Variants in DENND1B observed in about 807,000 individuals in gnomAD.
DENND1B encodes the protein DENN domain containing 1B.
A neutral mutation model predicts 90.1 loss-of-function variants in DENND1B; 59 were observed. The observed-to-expected ratio is 0.65, with a 90% CI of 0.53 to 0.81. The LOEUF (loss-of-function observed/expected upper bound fraction) is 0.81, where lower values mean the gene tolerates loss of function less well. DENND1B is among the 40% of genes least tolerant of loss of function. The probability of loss-of-function intolerance (pLI) is 0.00; values close to 1 mark genes in which losing one functional copy is unlikely to be tolerated. For synonymous variants in DENND1B, 337 were observed against 324.6 expected, an observed-to-expected ratio of 1.04 and a Z score of -0.41; for missense variants, 862 against 912.6, an observed-to-expected ratio of 0.94 and a Z score of 0.71.
In DENND1B at chr1:197,507,683, T is replaced by G. The variant is rs947399079; in HGVS notation, c.*2777A>C. On this transcript the variant is annotated 3_prime_UTR_variant, in exon 23 of 23. Transcript: ENST00000620048. ...AATAATTTCAAAAAGCAGAGGAACT[T>G]ACAAATATTTGATTTAGTTACCATA... 2.0e-5 allele frequency: 3 copies of G among 151,558 alleles called. No homozygotes were observed. The highest frequency in any genetic ancestry group is 1.3e-4 in the Admixed American group (2 of 15,168). 9.4% of individuals were successfully genotyped at this position (151,558 alleles called of 1,614,324 possible). A position where few individuals can be genotyped will look rare whatever the true frequency, so the allele number is the denominator to read the frequency against.
intron 10 of DENND1B, among the ~76,000 whole-genome samples, chr1:197,636,708 T>G (rs900246013): frequency 1.3e-5 from 2 of 152,180 alleles, no homozygotes; most frequent in Non-Finnish European, 2.9e-5. Flanking sequence ...TCATTTTATG[T>G]AAGTGAATTC....
intron 15 of DENND1B, among the ~76,000 whole-genome samples, chr1:197,566,071 T>G (rs951472181): frequency 3.3e-5 from 5 of 152,080 alleles, no homozygotes; most frequent in African/African-American, 1.2e-4. Flanking sequence ...CCACACTGAC[T>G]TCCACAAGGG....
chr1:197,629,227 CAT>C lies in DENND1B; in HGVS notation c.673-11470_673-11469del, dbSNP rs202168379. Among the ~76,000 whole-genome samples the C allele has an allele frequency of 1.7e-3, 256 of 152,094 alleles. 6 individuals are homozygous for C. The East Asian group carries it at 0.047, about 28-fold the overall frequency. On this transcript the variant is annotated intron_variant, in intron 10 of 22. Transcript: ENST00000620048. ...ATGCTGCTATAAAGACACATGCACA[CAT>C]ATGTTTATTGCGGCACTATTCACAA...
At chr1:197,642,612 T>C in intron 10 of DENND1B, 99 bp downstream of exon 10, 1 of 746,224 alleles carries the variant, frequency 1.3e-6, no homozygotes, top group Non-Finnish European at 2.2e-6. Flanking sequence ...GATATTGTCT[T>C]ATAAGTACAC....
chr1:197,692,275 C>T (rs912532173), intron 3 of DENND1B, among the ~76,000 whole-genome samples: 2 of 151,804 alleles, frequency 1.3e-5, no homozygotes, highest in African/African-American at 4.8e-5. Context: ...TTATCCAATT[C>T]AAAGCACCTA....
At position 197,624,502 on chromosome 1, in the gene DENND1B, T is replaced by A. The variant is rs533446546; in HGVS notation, c.673-6743A>T. On this transcript the variant is annotated intron_variant, in intron 10 of 22. Transcript: ENST00000620048. ...AATACAGGAGAAAATCTACATGAAC[T>A]AGGGCTTGGCAATGACTTTTAGAGA... Among the ~76,000 whole-genome samples, 6 of 151,730 alleles carry A rather than the reference T, an allele frequency of 4.0e-5. No homozygotes were observed. The South Asian group carries it at 1.2e-3, about 32-fold the overall frequency.
At chr1:197,688,143 T>C (rs1266769589) in intron 3 of DENND1B, among the ~76,000 whole-genome samples, 3 of 151,954 alleles carry the variant, frequency 2.0e-5, no homozygotes, top group Admixed American at 1.3e-4. Flanking sequence ...TGAAAAACTA[T>C]AAAACACTGA....
At chr1:197,675,559 C>T (rs543282153) in intron 3 of DENND1B, among the ~76,000 whole-genome samples, 72 of 152,228 alleles carry the variant, frequency 4.7e-4, no homozygotes, top group Non-Finnish European at 7.5e-4. Context: ...TGTTTCACCA[C>T]TGACAATATT....
At chr1:197,673,053 A>T (rs771759429) in intron 4 of DENND1B, among the ~76,000 whole-genome samples, 3 of 152,060 alleles carry the variant, frequency 2.0e-5, no homozygotes, top group Non-Finnish European at 4.4e-5. Context: ...GCCAGTATCA[A>T]TGCTACAAAC....
chr1:197,637,635 G>A (rs938310802), intron 10 of DENND1B, among the ~76,000 whole-genome samples: 2 of 152,070 alleles, frequency 1.3e-5, no homozygotes, highest in African/African-American at 4.8e-5. Flanking sequence ...ACTTAGCACT[G>A]ACTAAAAATA....
intron 2 of DENND1B, chr1:197,735,311 C>T: frequency 8.0e-7 from 1 of 1,246,198 alleles, no homozygotes; most frequent in Non-Finnish European, 1.0e-6. Flanking sequence ...TATACCTCTG[C>T]TTCAAGTGGT....
intron 2 of DENND1B, chr1:197,746,826 G>C (rs1663800985): frequency 6.2e-7 from 1 of 1,611,194 alleles, no homozygotes; most frequent in Non-Finnish European, 8.5e-7. Context: ...TTCTTTTTGG[G>C]GGCAGCCTGT....
intron 2 of DENND1B, among the ~76,000 whole-genome samples, chr1:197,760,942 A>G (rs1571654690): frequency 6.6e-6 from 1 of 152,312 alleles, no homozygotes; most frequent in East Asian, 1.9e-4. Flanking sequence ...CAAACACTAC[A>G]GTAATCATTA....
Position 197,658,338 on chromosome 1 carries a change from G to T in DENND1B, c.328C>A (p.Leu110Ile). ...YLPWFEVYYK[L>I]LNTLADYLAK... is the part of the protein sequence containing the mutation. ...AAGTAATCTGCAAGAGTATTTAGAAGCTTGTAATACACTTCAAACCAGGGA... is the reference window on the plus strand; with the variant it reads ...AAGTAATCTGCAAGAGTATTTAGAATCTTGTAATACACTTCAAACCAGGGA... Residue 110 changes from leucine to isoleucine, a missense_variant, in exon 6 of 23, where the codon CTT becomes ATT. Transcript: ENST00000620048. 2.5e-6 allele frequency: 4 copies of T among 1,609,864 alleles called. No homozygotes were observed. The highest frequency in any genetic ancestry group is 3.4e-6 in the Non-Finnish European group (4 of 1,177,486).
chr1:197,510,564 C>T lies in DENND1B; in HGVS notation c.2224G>A (p.Asp742Asn). 6.2e-7 allele frequency: 1 copy of T among 1,612,734 alleles called. No individual in the cohort carries two copies. The highest frequency in any genetic ancestry group is 8.5e-7 in the Non-Finnish European group (1 of 1,179,202). The change falls in exon 23 of 23, where the codon GAT becomes AAT. Residue 742 changes from aspartate (D) to asparagine (N), a missense_variant. By Grantham distance (23) the Asp-to-Asn change is conservative. Coordinates refer to ENST00000620048, the MANE Select transcript of DENND1B (RefSeq NM_001195215.2). The part of the protein sequence containing the change: ...EGKEAKETSE[D>N]IGLLHEVVSL... ...ACTACTTCATGGAGCAGTCCAATAT[C>T]TTCTGAAGTCTCTTTGGCTTCTTTC... is the stretch of plus-strand genomic sequence containing the variant.
intron 15 of DENND1B, among the ~76,000 whole-genome samples, chr1:197,576,439 G>A (rs1210697117): frequency 6.6e-6 from 1 of 152,150 alleles, no homozygotes; most frequent in Non-Finnish European, 1.5e-5. Flanking sequence ...CCTGCCATTA[G>A]TGACACTCAA....
chr1:197,730,314 A>T (rs2102313601), intron 2 of DENND1B, among the ~76,000 whole-genome samples: 1 of 152,226 alleles, frequency 6.6e-6, no homozygotes, highest in Admixed American at 6.5e-5. Flanking sequence ...CAAAAGACAG[A>T]CTATAAAAGG....
chr1:197,545,647 G>T (rs1670757379), intron 18 of DENND1B: 3 of 325,126 alleles, frequency 9.2e-6, no homozygotes, highest in Non-Finnish European at 1.6e-5. Context: ...TTACAAAATG[G>T]TACCCCATCA....
intron 2 of DENND1B, among the ~76,000 whole-genome samples, chr1:197,738,420 A>T (rs1662914725): frequency 6.6e-6 from 1 of 152,200 alleles, no homozygotes; most frequent in Non-Finnish European, 1.5e-5. Context: ...AGTTGCATCC[A>T]CAATTGGTGA....
Sources: allele counts gnomAD v4.1 joint callset (sites outside exome capture counted in the v4.1 genomes callset), GRCh38; gene constraint gnomAD v4.1.1; transcripts MANE v1.5; gene names NCBI Gene and HGNC (gene_info 2026-07-23, HGNC 2026-07-21).